Variants in NUP210 observed in about 807,000 individuals in gnomAD.
NUP210 encodes the protein nucleoporin 210, also known as nuclear pore membrane glycoprotein 210.
Under a neutral mutation model 196.0 loss-of-function variants are expected in NUP210, and 151 were observed. That is an observed-to-expected ratio of 0.77 (90% confidence interval 0.67 to 0.88). NUP210 has a LOEUF of 0.88. NUP210 is among the 40% of genes least tolerant of loss of function. NUP210 has a pLI of 0.00. For missense variants in NUP210, 2,314 were observed against 2,493.7 expected (o/e 0.93, Z 1.53); for synonymous variants, 1,070 against 1,052.7 (o/e 1.02, Z -0.32).
intron 23 of NUP210, 35 bp downstream of exon 23, chr3:13,341,713 C>T: frequency 1.2e-6 from 2 of 1,612,074 alleles, no homozygotes; most frequent in South Asian, 2.2e-5. Flanking sequence ...CAGCACTGGG[C>T]TGATCCCACA....
intron 5 of NUP210, 53 bp from the exon 6 acceptor site, chr3:13,386,460 G>A: frequency 6.2e-7 from 1 of 1,603,198 alleles, no homozygotes; most frequent in Non-Finnish European, 8.5e-7. Flanking sequence ...GAATGGGGAA[G>A]TGGTGGTGTG....
intron 28 of NUP210, 56 bp downstream of exon 28, chr3:13,335,398 T>G (rs1320847874): frequency 2.5e-5 from 39 of 1,575,184 alleles, no homozygotes; most frequent in Non-Finnish European, 3.4e-5. Context: ...GAAGGAAGAT[T>G]GGGCAGCTGG....
At chr3:13,373,066 CAATACTGTAAG>C (rs1698785367) in intron 12 of NUP210, among the ~76,000 whole-genome samples, 1 of 152,158 alleles carries the variant, frequency 6.6e-6, no homozygotes, top group South Asian at 2.1e-4. Context: ...TCCCTGTCCC[CAATACTGTAAG>C]AGCAGGCTGC....
At chr3:13,407,858 C>T (rs1700048449) in intron 1 of NUP210, among the ~76,000 whole-genome samples, 1 of 152,150 alleles carries the variant, frequency 6.6e-6, no homozygotes, top group South Asian at 2.1e-4. Flanking sequence ...GTGCCAAGGA[C>T]ACAACTAAGT....
In NUP210 at chr3:13,397,399, C is replaced by T. The variant is rs1165707818; in HGVS notation, c.394G>A (p.Asp132Asn). 1 of 1,612,264 alleles carries T rather than the reference C, an allele frequency of 6.2e-7. No individual in the cohort carries two copies. Among genetic ancestry groups the T allele is most frequent in the Non-Finnish European group, 8.5e-7 (1 of 1,179,336 alleles). Residue 132 changes from aspartate (D) to asparagine (N), a missense_variant, in exon 3 of 40, where the codon GAC becomes AAC. Transcript: ENST00000254508. ...TGGATCTTCAGCTCCAGGGGGGAGT[C>T]CTCCAGGTAGAGCTCGCGGGTGGTG... ...VSTTRELYLEDSPLELKIQAL... is the reference protein window; with the variant it reads ...VSTTRELYLENSPLELKIQAL...
chr3:13,333,277 A>C (rs2124847121), intron 28 of NUP210, among the ~76,000 whole-genome samples: 1 of 152,344 alleles, frequency 6.6e-6, no homozygotes, highest in African/African-American at 2.4e-5. Context: ...CACCTGTGTA[A>C]GTCCCCTCTC....
intron 26 of NUP210, chr3:13,337,126 C>T (rs1471647285): frequency 2.1e-6 from 1 of 484,606 alleles, no homozygotes; most frequent in African/African-American, 2.0e-5. Context: ...CCCTCCCCTG[C>T]AGCGGGCTGC....
At position 13,323,644 on chromosome 3, in the gene NUP210, T is replaced by C. The variant is rs1576341372; in HGVS notation, c.4645-212A>G. ...CAGACTTCACAGCCCAGTTCTCCCATTGAACAAGCTGCTTCCCCCAGCAGC... is the reference window on the plus strand; with the variant it reads ...CAGACTTCACAGCCCAGTTCTCCCACTGAACAAGCTGCTTCCCCCAGCAGC... On this transcript the variant is annotated intron_variant, in intron 33 of 39. Transcript: ENST00000254508. The surrounding 1 kb of genome is among the most constrained non-coding windows in gnomAD (Gnocchi z 4.3). Among the ~76,000 whole-genome samples the C allele has an allele frequency of 6.6e-6, 1 of 152,270 alleles. No individual in the cohort carries two copies. The highest frequency in any genetic ancestry group is 2.4e-5 in the African/African-American group (1 of 41,560).
rs36017736 is a variant in NUP210 at position 13,380,059 on chromosome 3, G to C, written c.818-338C>G. Among the ~76,000 whole-genome samples the C allele has an allele frequency of 6.8e-3, 1,035 of 152,190 alleles. 5 individuals carry two copies. The highest frequency in any genetic ancestry group is 9.2e-3 in the South Asian group (44 of 4,806). On this transcript the variant is annotated intron_variant, in intron 6 of 39. Coordinates refer to ENST00000254508, the MANE Select transcript of NUP210 (RefSeq NM_024923.4). Reference sequence around the variant, plus strand: ...GTGAACTCTTTGCTTCTACGTAGAGGGGGCACTGGGGTTCTTGCTGGTTCC... The same window carrying C: ...GTGAACTCTTTGCTTCTACGTAGAGCGGGCACTGGGGTTCTTGCTGGTTCC...
At position 13,358,520 on chromosome 3, in the gene NUP210, G is replaced by A. The variant is rs1305007446; in HGVS notation, c.2155-125C>T. The A allele has an allele frequency of 8.1e-5, 74 of 910,126 alleles. No individual in the cohort carries two copies. In the East Asian group the frequency reaches 1.7e-3, roughly 21 times the overall value. The allele number at this position is 910,126 out of a possible 1,614,324, so 56.4% of individuals were successfully genotyped here. ...TCCTCTATAGGATGGGAGTGATGAC[G>A]ATACCCATGCCACAGGGTCTTAACA... On this transcript the variant is annotated intron_variant, in intron 15 of 39. Coordinates refer to ENST00000254508, the MANE Select transcript of NUP210 (RefSeq NM_024923.4).
chr3:13,364,053 T>C (rs1461451821), intron 14 of NUP210, among the ~76,000 whole-genome samples: 1 of 152,186 alleles, frequency 6.6e-6, no homozygotes, highest in Non-Finnish European at 1.5e-5. Context: ...AGTGCTGTGC[T>C]TGAGTTGGGA....
Position 13,371,930 on chromosome 3 carries a change from G to C in NUP210, c.1690C>G (p.Pro564Ala), listed in dbSNP as rs1276961330. ...ELPLRISGLM[P>A]GGASEVVTLS... ...GTGACCACCTCACTGGCCCCGCCGG[G>C]CATGAGGCCACTGATCCTCAGGGGC... The change falls in exon 13 of 40, where the codon CCC (proline) becomes GCC (alanine). Residue 564 changes from proline to alanine, a missense_variant. Pro to Ala is a conservative substitution (Grantham distance 27). Transcript: ENST00000254508. 2 of 1,607,576 alleles carry C rather than the reference G, an allele frequency of 1.2e-6. No individual in the cohort carries two copies. Among genetic ancestry groups the C allele is most frequent in the Non-Finnish European group, 1.7e-6 (2 of 1,177,234 alleles).
At chr3:13,365,169 C>A (rs1027679162) in intron 14 of NUP210, among the ~76,000 whole-genome samples, 1 of 152,230 alleles carries the variant, frequency 6.6e-6, no homozygotes, top group African/African-American at 2.4e-5. Context: ...AGCCTTCACA[C>A]CCACCCCAGA....
At chr3:13,400,624 T>C (rs1220377080) in intron 1 of NUP210, among the ~76,000 whole-genome samples, 2 of 152,226 alleles carry the variant, frequency 1.3e-5, no homozygotes, top group Non-Finnish European at 2.9e-5. Context: ...GACTCCACAC[T>C]GAGCGTGCCC....
Position 13,336,685 on chromosome 3 carries a change from G to A in NUP210, c.3684+102C>T, listed in dbSNP as rs944241837. On this transcript the variant is annotated intron_variant, in intron 27 of 39. Coordinates refer to ENST00000254508, the MANE Select transcript of NUP210 (RefSeq NM_024923.4). ...GCGGGCCTCTCTAGGTGTGAGGGTGGGGACTTCCTGTGGGACAATGTGGCA... is the reference window on the plus strand; with the variant it reads ...GCGGGCCTCTCTAGGTGTGAGGGTGAGGACTTCCTGTGGGACAATGTGGCA... 4 of 1,325,826 alleles carry A rather than the reference G, an allele frequency of 3.0e-6. No individual in the cohort carries two copies. In the African/African-American group the frequency reaches 4.4e-5, roughly 14 times the overall value. The allele number at this position is 1,325,826 out of a possible 1,614,324, so 82.1% of individuals were successfully genotyped here.
intron 1 of NUP210, among the ~76,000 whole-genome samples, chr3:13,419,490 G>T (rs1254177539): frequency 1.3e-5 from 2 of 152,194 alleles, no homozygotes; most frequent in African/African-American, 2.4e-5. Context: ...GCAGCCTGAG[G>T]GGAAGCGCCG....
intron 14 of NUP210, among the ~76,000 whole-genome samples, chr3:13,362,856 T>C (rs1698416051): frequency 6.6e-6 from 1 of 152,208 alleles, no homozygotes; most frequent in Admixed American, 6.5e-5. Flanking sequence ...GGCCTCTGCC[T>C]GAGCGTCACC....
Position 13,360,316 on chromosome 3 carries a change from T to C in NUP210, c.2108A>G (p.Tyr703Cys), listed in dbSNP as rs1367205547. The C allele has an allele frequency of 6.2e-7, 1 of 1,614,088 alleles. No individual in the cohort carries two copies. Among genetic ancestry groups the C allele is most frequent in the East Asian group, 2.2e-5 (1 of 44,896 alleles). Residue 703 changes from tyrosine to cysteine, a missense_variant, in exon 15 of 40, where the codon TAT (tyrosine) becomes TGT (cysteine). Coordinates refer to ENST00000254508, the MANE Select transcript of NUP210 (RefSeq NM_024923.4). ...GGTCACAAGGATCCAGTGTTGCTGA[T>C]AATTCCGGGAGGAATGGGGGGCAAA... ...ALFAPHSSRN[Y>C]QQHWILVTCQ...
intron 18 of NUP210, 113 bp from the exon 19 acceptor site, chr3:13,352,297 T>G: frequency 1.4e-6 from 1 of 714,686 alleles, no homozygotes; most frequent in East Asian, 2.7e-5. Context: ...CACAAGCCCC[T>G]GGTGCTCCTG....
Sources: allele counts gnomAD v4.1 joint callset (sites outside exome capture counted in the v4.1 genomes callset), GRCh38; gene constraint gnomAD v4.1.1; non-coding constraint Gnocchi (gnomAD v3.1); transcripts MANE v1.5; gene names NCBI Gene and HGNC (gene_info 2026-07-23, HGNC 2026-07-21).